The following PDE10A variants were observed in gnomAD, a reference collection of about 807,000 sequenced individuals.
PDE10A encodes the protein cAMP and cAMP-inhibited cGMP 3',5'-cyclic phosphodiesterase 10A.
In PDE10A, 39 loss-of-function variants were observed where a neutral mutation model predicts 97.7. That is an observed-to-expected ratio of 0.40 (90% CI 0.31 to 0.52). The LOEUF (loss-of-function observed/expected upper bound fraction) is 0.52, where lower values mean the gene tolerates loss of function less well. Ranked by LOEUF, PDE10A falls within the 20% of genes least tolerant of loss-of-function variation. The pLI is 0.56. For synonymous variants in PDE10A, 371 were observed against 376.8 expected (o/e 0.98, Z 0.18); for missense variants, 731 against 1,047.8 (o/e 0.70, Z 4.17).
chr6:165,602,972 T>C (rs1787036601), intron 1 of PDE10A, among the ~76,000 whole-genome samples: 1 of 152,228 alleles, frequency 6.6e-6, no homozygotes, highest in Non-Finnish European at 1.5e-5. Context: ...TTTCTTCATG[T>C]AACATCAGAG....
intron 1 of PDE10A, among the ~76,000 whole-genome samples, chr6:165,650,105 T>C (rs1318544564): frequency 1.3e-5 from 2 of 151,998 alleles, no homozygotes; most frequent in African/African-American, 2.4e-5. Flanking sequence ...AAGACAGAAA[T>C]CGATCAAATT....
chr6:165,508,178 A>G (rs1781310692), intron 2 of PDE10A, among the ~76,000 whole-genome samples: 1 of 152,108 alleles, frequency 6.6e-6, no homozygotes, highest in South Asian at 2.1e-4. Context: ...CTGAAAAAAC[A>G]CACAAATCAC....
intron 1 of PDE10A, among the ~76,000 whole-genome samples, chr6:165,654,358 T>C (rs1410875458): frequency 7.0e-6 from 1 of 143,792 alleles, no homozygotes; most frequent in African/African-American, 2.5e-5. Context: ...ACCCCACCCC[T>C]GCTTCCCCAG....
intron 1 of PDE10A, among the ~76,000 whole-genome samples, chr6:165,792,287 T>C (rs1217615805): frequency 3.9e-5 from 6 of 152,180 alleles, no homozygotes; most frequent in Non-Finnish European, 8.8e-5. Context: ...TTGCTAACGA[T>C]GTCCTCTGGA....
intron 1 of PDE10A, among the ~76,000 whole-genome samples, chr6:165,980,672 G>C (rs991998589): frequency 1.3e-5 from 2 of 152,154 alleles, no homozygotes; most frequent in African/African-American, 4.8e-5. Flanking sequence ...AAGAACCAGG[G>C]TCACGTAGGT....
At chr6:165,987,592 A>G (rs2128505701) in exon 1 of PDE10A, 1 of 406,766 alleles carries the variant, frequency 2.5e-6, no homozygotes, top group East Asian at 7.2e-5. Context: ...AAATTTAAAA[A>G]GAGACAGTGA....
At chr6:165,735,719 G>A (rs751873440) in intron 1 of PDE10A, among the ~76,000 whole-genome samples, 2 of 152,088 alleles carry the variant, frequency 1.3e-5, no homozygotes, top group African/African-American at 2.4e-5. Flanking sequence ...TGAGGCCCAC[G>A]CACATGGAGG....
At chr6:165,357,054 T>C (rs1238388394) in intron 18 of PDE10A, among the ~76,000 whole-genome samples, 1 of 152,152 alleles carries the variant, frequency 6.6e-6, no homozygotes, top group African/African-American at 2.4e-5. Context: ...AGAAGTTCCA[T>C]TGTATTCCTA....
At chr6:165,528,306 T>C (rs780612483) in intron 2 of PDE10A, among the ~76,000 whole-genome samples, 1 of 152,136 alleles carries the variant, frequency 6.6e-6, no homozygotes, top group East Asian at 1.9e-4. Context: ...AACCATTCTG[T>C]GGACACCACT....
chr6:165,452,086 G>A (rs1791337182), intron 3 of PDE10A, among the ~76,000 whole-genome samples: 1 of 152,168 alleles, frequency 6.6e-6, no homozygotes, highest in Non-Finnish European at 1.5e-5. Flanking sequence ...CTTCACCAAG[G>A]CCATGAGAAA....
At chr6:165,937,088 A>C (rs1783355816) in intron 1 of PDE10A, among the ~76,000 whole-genome samples, 1 of 152,180 alleles carries the variant, frequency 6.6e-6, no homozygotes, top group African/African-American at 2.4e-5. Flanking sequence ...TTTTTGCCCC[A>C]AAACAGGCAG....
At chr6:165,667,734 A>G (rs951786675), upstream of PDE10A, among the ~76,000 whole-genome samples, 7 of 152,166 alleles carry the variant, frequency 4.6e-5, no homozygotes, top group African/African-American at 1.7e-4. Flanking sequence ...AATAAAAAGA[A>G]AAACATTAAT....
At chr6:165,511,166 T>A (rs944031041) in intron 2 of PDE10A, among the ~76,000 whole-genome samples, 1 of 152,024 alleles carries the variant, frequency 6.6e-6, no homozygotes, top group Non-Finnish European at 1.5e-5. Flanking sequence ...TTTGTTGCTA[T>A]TTTCTTCCCT....
chr6:165,932,220 G>A (rs113592234), intron 1 of PDE10A, among the ~76,000 whole-genome samples: 10 of 152,148 alleles, frequency 6.6e-5, no homozygotes, highest in Non-Finnish European at 1.3e-4. Context: ...GAATGGCACC[G>A]GCATCAAGTC....
intron 2 of PDE10A, among the ~76,000 whole-genome samples, chr6:165,513,950 GAC>G (rs1562536652): frequency 1.3e-5 from 2 of 152,180 alleles, no homozygotes; most frequent in South Asian, 2.1e-4. Flanking sequence ...AAAAATATAA[GAC>G]AGTTTTAGTT....
intron 1 of PDE10A, among the ~76,000 whole-genome samples, chr6:165,712,104 C>T (rs1042453821): frequency 1.1e-4 from 16 of 151,940 alleles, no homozygotes; most frequent in African/African-American, 2.9e-4. Flanking sequence ...GGAAGGGGCA[C>T]GGGCTGGAGG....
intron 1 of PDE10A, among the ~76,000 whole-genome samples, chr6:165,973,907 G>A (rs1562336686): frequency 6.6e-6 from 1 of 152,108 alleles, no homozygotes; most frequent in Non-Finnish European, 1.5e-5. Context: ...CAAAACTAAA[G>A]CATTTTGCAT....
chr6:165,481,215 C>T (rs1779587987), intron 3 of PDE10A, among the ~76,000 whole-genome samples: 1 of 152,156 alleles, frequency 6.6e-6, no homozygotes, highest in Admixed American at 6.5e-5. Flanking sequence ...CTAGCAGCTG[C>T]CAAAATTCTA....
chr6:165,424,761 C>G (rs1002038888), intron 10 of PDE10A, among the ~76,000 whole-genome samples: 3 of 152,040 alleles, frequency 2.0e-5, no homozygotes, highest in Non-Finnish European at 4.4e-5. Flanking sequence ...ATTAAATAGC[C>G]TTTATACCAG....
Sources: gnomAD v4.1 joint callset for allele counts (sites outside exome capture counted in the v4.1 genomes callset) on GRCh38, gnomAD v4.1.1 for gene constraint, MANE v1.5 for transcripts, NCBI Gene and HGNC (gene_info 2026-07-23, HGNC 2026-07-21) for gene names.